Variants in CHRM3 observed in about 807,000 individuals in gnomAD.
CHRM3 encodes the protein cholinergic receptor muscarinic 3, also known as muscarinic acetylcholine receptor M3.
CHRM3 carries 11 observed loss-of-function variants against 41.8 expected under a neutral mutation model. The observed-to-expected ratio is 0.26, with a 90% CI of 0.17 to 0.44. CHRM3 has a LOEUF of 0.44. Ranked by LOEUF, CHRM3 falls within the 20% of genes least tolerant of loss-of-function variation. CHRM3 has a pLI of 1.00. For missense variants in CHRM3, 571 were observed against 745.4 expected, an observed-to-expected ratio of 0.77 and a Z score of 2.72; for synonymous variants, 297 against 301.4, an observed-to-expected ratio of 0.99 and a Z score of 0.15.
chr1:239,777,902 A>G (rs1668220852), intron 5 of CHRM3, among the ~76,000 whole-genome samples: 1 of 152,164 alleles, frequency 6.6e-6, no homozygotes, highest in Non-Finnish European at 1.5e-5. Flanking sequence ...GGGGAATATA[A>G]GAAACACAGC....
At chr1:239,496,793 AT>A (rs772223200) in intron 2 of CHRM3, among the ~76,000 whole-genome samples, 1 of 152,028 alleles carries the variant, frequency 6.6e-6, no homozygotes, top group Non-Finnish European at 1.5e-5. Flanking sequence ...CTTTGGTTGC[AT>A]GTATGATGTT....
chr1:239,541,477 C>T (rs1253151380), intron 2 of CHRM3, among the ~76,000 whole-genome samples: 1 of 152,024 alleles, frequency 6.6e-6, no homozygotes, highest in Admixed American at 6.6e-5. Flanking sequence ...TCAATGCCAC[C>T]TGCAATATGC....
chr1:239,645,495 A>C (rs1671665757), intron 4 of CHRM3, among the ~76,000 whole-genome samples: 1 of 152,224 alleles, frequency 6.6e-6, no homozygotes. Flanking sequence ...TTATCAAAGG[A>C]ACATGTGGAC....
chr1:239,670,830 G>T (rs186721138), intron 4 of CHRM3, among the ~76,000 whole-genome samples: 1 of 151,970 alleles, frequency 6.6e-6, no homozygotes, highest in African/African-American at 2.4e-5. Context: ...CCCAGTTTGG[G>T]GTGACTGTGG....
intron 3 of CHRM3, among the ~76,000 whole-genome samples, chr1:239,562,689 A>G (rs1660981450): frequency 6.6e-6 from 1 of 152,096 alleles, no homozygotes; most frequent in Non-Finnish European, 1.5e-5. Context: ...GGAGTTCAAC[A>G]CCAGCCTTGT....
intron 1 of CHRM3, among the ~76,000 whole-genome samples, chr1:239,483,571 C>CTT (rs1667000383): frequency 6.6e-6 from 1 of 152,298 alleles, no homozygotes; most frequent in African/African-American, 2.4e-5. Context: ...TGACAAGATG[C>CTT]TTTGTCATAT....
At chr1:239,606,530 T>A (rs538657408) in intron 3 of CHRM3, among the ~76,000 whole-genome samples, 1 of 152,306 alleles carries the variant, frequency 6.6e-6, no homozygotes, top group East Asian at 1.9e-4. Flanking sequence ...CGCCTTGGCC[T>A]CCCAAAGTGC....
chr1:239,438,020 A>T (rs1663409651), intron 1 of CHRM3, among the ~76,000 whole-genome samples: 1 of 152,200 alleles, frequency 6.6e-6, no homozygotes, highest in African/African-American at 2.4e-5. Flanking sequence ...TGAAGGTCAC[A>T]TGGAAAGGAA....
At chr1:239,772,495 G>A (rs1400912730) in intron 5 of CHRM3, among the ~76,000 whole-genome samples, 4 of 152,120 alleles carry the variant, frequency 2.6e-5, no homozygotes, top group Non-Finnish European at 5.9e-5. Flanking sequence ...GTGTATTATA[G>A]TTATCTTACA....
At chr1:239,786,065 A>G (rs1668870371) in intron 5 of CHRM3, among the ~76,000 whole-genome samples, 1 of 152,178 alleles carries the variant, frequency 6.6e-6, no homozygotes, top group Non-Finnish European at 1.5e-5. Flanking sequence ...TGAGTATAGT[A>G]TACTTTGAAG....
intron 5 of CHRM3, among the ~76,000 whole-genome samples, chr1:239,806,246 T>C (rs1425894775): frequency 6.6e-6 from 1 of 152,192 alleles, no homozygotes; most frequent in Non-Finnish European, 1.5e-5. Context: ...ACTGTCTGCT[T>C]AAAATTGCTT....
At chr1:239,488,150 AG>A (rs1667309969) in intron 1 of CHRM3, among the ~76,000 whole-genome samples, 1 of 152,194 alleles carries the variant, frequency 6.6e-6, no homozygotes, top group Non-Finnish European at 1.5e-5. Context: ...ACTCATGGGT[AG>A]GCATTTGGCT....
At chr1:239,606,232 CTTAA>C (rs1018890184) in intron 3 of CHRM3, 8 of 150,020 alleles carry the variant, frequency 5.3e-5, no homozygotes, top group East Asian at 3.9e-4. Flanking sequence ...TTATTTCTAA[CTTAA>C]TTAAGTACAT....
chr1:239,522,025 C>G (rs1669679991), intron 2 of CHRM3, among the ~76,000 whole-genome samples: 1 of 111,330 alleles, frequency 9.0e-6, no homozygotes, highest in African/African-American at 3.0e-5. Context: ...ATATTGTTTT[C>G]TTTTCTTTTC....
At chr1:239,861,147 A>G in intron 6 of CHRM3, among the ~76,000 whole-genome samples, 1 of 152,118 alleles carries the variant, frequency 6.6e-6, no homozygotes, top group East Asian at 1.9e-4. Context: ...ATCCTGTTAG[A>G]CCCTAGGGAT....
chr1:239,538,981 G>A (rs1457476102), intron 2 of CHRM3, among the ~76,000 whole-genome samples: 1 of 152,080 alleles, frequency 6.6e-6, no homozygotes, highest in African/African-American at 2.4e-5. Flanking sequence ...AAGACTCTTC[G>A]TATAACCCTT....
chr1:239,690,013 T>C (rs1372608834), intron 5 of CHRM3, among the ~76,000 whole-genome samples: 1 of 150,964 alleles, frequency 6.6e-6, no homozygotes, highest in South Asian at 2.1e-4. Flanking sequence ...CACTTGACAC[T>C]AAAACAGAGA....
chr1:239,878,602 T>A (rs939148629), intron 6 of CHRM3, among the ~76,000 whole-genome samples: 21 of 134,154 alleles, frequency 1.6e-4, no homozygotes, highest in African/African-American at 5.8e-4. Context: ...GTATTTTAAA[T>A]TTTTTTTTTT....
chr1:239,573,348 C>T (rs1439049674), intron 3 of CHRM3, among the ~76,000 whole-genome samples: 1 of 152,116 alleles, frequency 6.6e-6, no homozygotes, highest in Non-Finnish European at 1.5e-5. Flanking sequence ...AAAATGTAAT[C>T]AAGAAAAGTT....
Sources: gnomAD v4.1 joint callset for allele counts (sites outside exome capture counted in the v4.1 genomes callset) on GRCh38, gnomAD v4.1.1 for gene constraint, MANE v1.5 for transcripts, NCBI Gene and HGNC (gene_info 2026-07-23, HGNC 2026-07-21) for gene names.